NAV2: variants seen among roughly 807,000 people sequenced by gnomAD.
NAV2 encodes the protein helicase, APC down-regulated 1.
NAV2 carries 54 observed loss-of-function variants against 223.2 expected under a neutral mutation model. The ratio of observed to expected loss-of-function variants is 0.24; its 90% CI spans 0.19 to 0.30. The LOEUF is 0.30. Among genes scored for constraint, NAV2 ranks in the 10% least tolerant of loss-of-function variants. The probability of loss-of-function intolerance (pLI) is 1.00; values close to 1 mark genes in which losing one functional copy is unlikely to be tolerated. For missense variants in NAV2, 2,806 were observed against 3,147.5 expected (o/e 0.89, Z 2.60); for synonymous variants, 1,279 against 1,239.3 (o/e 1.03, Z -0.67).
chr11:19,808,508 T>A (rs1256522118), intron 1 of NAV2, among the ~76,000 whole-genome samples: 1 of 152,218 alleles, frequency 6.6e-6, no homozygotes, highest in Non-Finnish European at 1.5e-5. Flanking sequence ...TTTGGAGGAA[T>A]TAATTTGTCA....
At chr11:20,096,438 T>C (rs1415066588) in intron 30 of NAV2, among the ~76,000 whole-genome samples, 1 of 152,196 alleles carries the variant, frequency 6.6e-6, no homozygotes, top group East Asian at 1.9e-4. Context: ...TAAGGGCTCA[T>C]TAATCATATT....
intron 11 of NAV2, among the ~76,000 whole-genome samples, chr11:20,007,503 G>C (rs1443150118): frequency 6.6e-6 from 1 of 152,218 alleles, no homozygotes; most frequent in African/African-American, 2.4e-5. Flanking sequence ...TTTCACTGAA[G>C]AAACTGATCT....
intron 11 of NAV2, among the ~76,000 whole-genome samples, chr11:20,024,482 C>T (rs548133425): frequency 5.0e-5 from 7 of 141,384 alleles, no homozygotes; most frequent in Non-Finnish European, 1.1e-4. Context: ...TGTATGGAGT[C>T]TTGGAGGGAG....
intron 10 of NAV2, among the ~76,000 whole-genome samples, chr11:19,980,073 G>C (rs570040038): frequency 6.6e-6 from 1 of 152,334 alleles, no homozygotes; most frequent in African/African-American, 2.4e-5. Flanking sequence ...GCAAGGGGCA[G>C]AGAAGGCATT....
chr11:19,927,792 T>C (rs1171276601), intron 6 of NAV2, among the ~76,000 whole-genome samples: 1 of 152,182 alleles, frequency 6.6e-6, no homozygotes, highest in African/African-American at 2.4e-5. Flanking sequence ...TTATTATACA[T>C]AATAAGAGTA....
intron 1 of NAV2, among the ~76,000 whole-genome samples, chr11:19,496,911 A>C (rs2042813183): frequency 6.6e-6 from 1 of 152,202 alleles, no homozygotes; most frequent in Non-Finnish European, 1.5e-5. Flanking sequence ...TCTCAATGAC[A>C]AGGGAATGGC....
chr11:19,524,416 C>T (rs1024194404), intron 1 of NAV2, among the ~76,000 whole-genome samples: 9 of 152,188 alleles, frequency 5.9e-5, no homozygotes, highest in Admixed American at 2.0e-4. Flanking sequence ...CGTTTCGTGC[C>T]TCCAGTTCAA....
intron 6 of NAV2, among the ~76,000 whole-genome samples, chr11:19,898,751 A>G (rs1014604783): frequency 2.6e-5 from 4 of 152,178 alleles, no homozygotes; most frequent in Admixed American, 1.3e-4. Flanking sequence ...AAAAGATTAT[A>G]CCTATTTATA....
chr11:19,945,165 CCCTTCCCT>C lies in NAV2; in HGVS notation c.2147-1235_2147-1228del, dbSNP rs2046818269. On this transcript the variant is annotated intron_variant, in intron 8 of 37. Transcript: ENST00000349880. ...CCTTTCTTTCTGTCTCCCTTCCCTTCCCTTCCCTTCCCTTCCCTTCCCTTCCCTTCCCT... is the reference window on the plus strand; with the variant it reads ...CCTTTCTTTCTGTCTCCCTTCCCTTCTCCCTTCCCTTCCCTTCCCTTCCCT... Among the ~76,000 whole-genome samples the C allele has an allele frequency of 4.3e-3, 190 of 43,840 alleles. 1 individual carries two copies. The highest frequency in any genetic ancestry group is 0.02 in the African/African-American group (182 of 9,030). The allele number at this position is 43,840 out of a possible 152,430, so 28.8% of individuals were successfully genotyped here.
intron 6 of NAV2, among the ~76,000 whole-genome samples, chr11:19,898,055 C>T (rs2153175725): frequency 6.6e-6 from 1 of 152,012 alleles, no homozygotes; most frequent in Non-Finnish European, 1.5e-5. Flanking sequence ...TTCCTGTCCT[C>T]TCACATCCTT....
Position 19,945,223 on chromosome 11 carries a change from C to T in NAV2, c.2147-1178C>T, listed in dbSNP as rs148011331. ...TTCCCTTTCTTTCCTTTCCTTCCTT[C>T]TTTTCTTTCTTGGCTGGCTGGCTTT... On this transcript the variant is annotated intron_variant, in intron 8 of 37. Transcript: ENST00000349880. 8.4e-3 allele frequency among the ~76,000 whole-genome samples: 1,019 copies of T among 120,796 alleles called. 19 individuals are homozygous for T. Among genetic ancestry groups the T allele is most frequent in the African/African-American group, 0.03 (975 of 32,086 alleles). 79.2% of individuals were successfully genotyped at this position (120,796 alleles called of 152,430 possible). A position where few individuals can be genotyped will look rare whatever the true frequency, so the allele number is the denominator to read the frequency against.
At chr11:19,602,626 A>G (rs1020772938) in intron 1 of NAV2, among the ~76,000 whole-genome samples, 1 of 152,078 alleles carries the variant, frequency 6.6e-6, no homozygotes, top group Non-Finnish European at 1.5e-5. Flanking sequence ...GGGCAGAGCC[A>G]TGCTTTCTTG....
intron 1 of NAV2, among the ~76,000 whole-genome samples, chr11:19,393,899 TTTTTTTC>T (rs1468597484): frequency 4.1e-4 from 12 of 29,120 alleles, no homozygotes; most frequent in Non-Finnish European, 5.9e-4. Flanking sequence ...TTAAGGGTTT[TTTTTTTC>T]TTTTTTTTTT....
intron 1 of NAV2, among the ~76,000 whole-genome samples, chr11:19,660,977 T>C (rs1228107612): frequency 6.6e-6 from 1 of 152,202 alleles, no homozygotes; most frequent in Non-Finnish European, 1.5e-5. Flanking sequence ...CATTTTTAAG[T>C]GTGCAGTTCA....
chr11:19,610,041 C>G (rs2046593478), intron 1 of NAV2, among the ~76,000 whole-genome samples: 1 of 152,178 alleles, frequency 6.6e-6, no homozygotes, highest in East Asian at 1.9e-4. Flanking sequence ...ATGCCCAAAA[C>G]CAGGACTGAT....
chr11:19,766,415 C>T (rs1242207490), intron 1 of NAV2, among the ~76,000 whole-genome samples: 1 of 152,128 alleles, frequency 6.6e-6, no homozygotes, highest in African/African-American at 2.4e-5. Flanking sequence ...GGGGAACTGT[C>T]CAGCTCTCAG....
chr11:19,461,401 A>T (rs1021306922), intron 1 of NAV2, among the ~76,000 whole-genome samples: 1 of 152,244 alleles, frequency 6.6e-6, no homozygotes, highest in African/African-American at 2.4e-5. Flanking sequence ...ATGCATAAGC[A>T]CATGTGAAAG....
At chr11:20,021,104 G>A (rs1565782783) in intron 11 of NAV2, among the ~76,000 whole-genome samples, 1 of 152,104 alleles carries the variant, frequency 6.6e-6, no homozygotes, top group African/African-American at 2.4e-5. Context: ...ACCCCACCTT[G>A]ACAAATCACA....
chr11:19,365,927 C>G (rs781183918), intron 1 of NAV2, among the ~76,000 whole-genome samples: 1 of 152,208 alleles, frequency 6.6e-6, no homozygotes, highest in East Asian at 1.9e-4. Context: ...TTTGTCAACT[C>G]GCTGAATGAG....
Sources: gnomAD v4.1 joint callset for allele counts (sites outside exome capture counted in the v4.1 genomes callset) on GRCh38, gnomAD v4.1.1 for gene constraint, MANE v1.5 for transcripts, NCBI Gene and HGNC (gene_info 2026-07-23, HGNC 2026-07-21) for gene names.